The following ZNF800 variants were observed in gnomAD, a reference collection of about 807,000 sequenced individuals.
ZNF800 encodes zinc finger protein 800.
ZNF800 carries 13 observed loss-of-function variants against 59.5 expected under a neutral mutation model. The observed-to-expected ratio is 0.22, with a 90% CI of 0.14 to 0.35. The LOEUF (loss-of-function observed/expected upper bound fraction) is 0.35, where lower values mean the gene tolerates loss of function less well. Among genes scored for constraint, ZNF800 ranks in the 10% least tolerant of loss-of-function variants. ZNF800 has a pLI of 1.00. For missense variants in ZNF800, 621 were observed against 783.7 expected (o/e 0.79, Z 2.48); for synonymous variants, 266 against 265.7 (o/e 1.00, Z -0.01).
intron 3 of ZNF800, among the ~76,000 whole-genome samples, chr7:127,381,660 T>C (rs1800980131): frequency 6.6e-6 from 1 of 152,090 alleles, no homozygotes; most frequent in Non-Finnish European, 1.5e-5. Flanking sequence ...AAATGGCTGT[T>C]GTCTTGGGAA....
At chr7:127,380,964 G>T (rs1800960423) in intron 3 of ZNF800, among the ~76,000 whole-genome samples, 1 of 152,080 alleles carries the variant, frequency 6.6e-6, no homozygotes, top group African/African-American at 2.4e-5. Context: ...TTCATCAAGG[G>T]TTTATCTTGT....
At chr7:127,361,978 T>C (rs1358100953) in intron 1 of ZNF800, 1 of 152,108 alleles carries the variant, frequency 6.6e-6, no homozygotes, top group African/African-American at 2.4e-5. Context: ...AATATGATTC[T>C]CTCCTAAGAT....
Position 127,370,870 on chromosome 7 carries a change from T to C in ZNF800, c.*944A>G, listed in dbSNP as rs1013784149. On this transcript the variant is annotated 3_prime_UTR_variant, in exon 6 of 6. Coordinates refer to ENST00000265827, the MANE Select transcript of ZNF800 (RefSeq NM_176814.5). The stretch of plus-strand genomic sequence containing the variant: ...TTATCTAAAGTGGTCCTTTAAGATT[T>C]TTCTTGGGAGAAAAAAAAATCAGGG... 2.6e-5 allele frequency: 4 copies of C among 152,536 alleles called. No homozygotes were observed. The highest frequency in any genetic ancestry group is 6.5e-5 in the Admixed American group (1 of 15,268). 9.4% of individuals were successfully genotyped at this position (152,536 alleles called of 1,614,324 possible). A position where few individuals can be genotyped will look rare whatever the true frequency, so the allele number is the denominator to read the frequency against.
intron 3 of ZNF800, among the ~76,000 whole-genome samples, chr7:127,380,942 A>C (rs1436075557): frequency 6.6e-6 from 1 of 152,216 alleles, no homozygotes; most frequent in Non-Finnish European, 1.5e-5. Flanking sequence ...GCTCAATAAA[A>C]ATTACTTAAA....
intron 3 of ZNF800, among the ~76,000 whole-genome samples, chr7:127,378,843 G>T (rs1020253484): frequency 5.9e-5 from 9 of 152,086 alleles, no homozygotes; most frequent in Middle Eastern, 3.4e-3. Flanking sequence ...TTCCAAATCT[G>T]ATATTATCTA....
chr7:127,365,141 T>C (rs1481745474), downstream of ZNF800, among the ~76,000 whole-genome samples: 4 of 152,118 alleles, frequency 2.6e-5, no homozygotes, highest in African/African-American at 7.2e-5. Context: ...CCATATAGCA[T>C]GCAATTATAT....
At chr7:127,386,190 C>T (rs754913184) in intron 2 of ZNF800, 35 bp from the exon 3 acceptor site, 4 of 1,301,914 alleles carry the variant, frequency 3.1e-6, no homozygotes, top group Middle Eastern at 3.8e-4. Context: ...CCAATCCCCA[C>T]AAAAAAAGGG....
Position 127,348,507 on chromosome 7 carries a change from A to G in ZNF800, n.225-464T>C, listed in dbSNP as rs17869662. On this transcript the variant is annotated intron_variant and non_coding_transcript_variant, in intron 1 of 1. Transcript: ENST00000485577. ...TTATAGTCTTTTTCTTACAGCGAAT[A>G]CTAAACTGCTATTGAAATAATGCTG... 4.2e-3 allele frequency among the ~76,000 whole-genome samples: 644 copies of G among 152,302 alleles called. 5 individuals carry two copies. Among genetic ancestry groups the G allele is most frequent in the African/African-American group, 0.015 (617 of 41,562 alleles).
intron 5 of ZNF800, among the ~76,000 whole-genome samples, chr7:127,372,259 A>C (rs1185730109): frequency 2.0e-5 from 3 of 152,054 alleles, no homozygotes; most frequent in Non-Finnish European, 2.9e-5. Flanking sequence ...TGGGCGGATC[A>C]CCTGAGGTCC....
downstream of ZNF800, chr7:127,369,975 G>C (rs950501443): frequency 6.6e-6 from 1 of 152,084 alleles, no homozygotes; most frequent in African/African-American, 2.4e-5. Context: ...GGGGTTATCA[G>C]CATTTATCTG....
At chr7:127,385,859 C>T (rs1801124803) in intron 3 of ZNF800, among the ~76,000 whole-genome samples, 2 of 152,002 alleles carry the variant, frequency 1.3e-5, no homozygotes, top group South Asian at 2.1e-4. Context: ...AATTAATATA[C>T]CATATATAGT....
downstream of ZNF800, among the ~76,000 whole-genome samples, chr7:127,346,549 T>C (rs1800067563): frequency 6.6e-6 from 1 of 152,126 alleles, no homozygotes; most frequent in African/African-American, 2.4e-5. Context: ...GAATCTAGAC[T>C]AAGCAAGGAC....
intron 1 of ZNF800, chr7:127,362,006 C>G (rs1405636008): frequency 6.6e-6 from 1 of 152,092 alleles, no homozygotes; most frequent in Non-Finnish European, 1.5e-5. Context: ...ATATGAGAAG[C>G]TACATAGTGA....
At chr7:127,365,643 A>T (rs1023390821), downstream of ZNF800, among the ~76,000 whole-genome samples, 1 of 152,164 alleles carries the variant, frequency 6.6e-6, no homozygotes, top group African/African-American at 2.4e-5. Context: ...AAATAATATC[A>T]TAAAAGGTCA....
Position 127,374,360 on chromosome 7 carries a change from G to A in ZNF800, c.976C>T (p.Pro326Ser). The change falls in exon 5 of 6, where the codon CCT becomes TCT. Residue 326 changes from proline (P) to serine (S), a missense_variant. By Grantham distance (74) the Pro-to-Ser change is moderately conservative. Coordinates refer to ENST00000265827, the MANE Select transcript of ZNF800 (RefSeq NM_176814.5). ...DSITPDIATK[P>S]GQPLFLDSIS... Reference sequence around the variant, plus strand: ...GAATCCAGGAACAAAGGTTGCCCAGGCTTTGTTGCTATATCAGGAGTAATT... The same window carrying A: ...GAATCCAGGAACAAAGGTTGCCCAGACTTTGTTGCTATATCAGGAGTAATT... The A allele has an allele frequency of 6.2e-7, 1 of 1,613,770 alleles. No individual in the cohort carries two copies. The highest frequency in any genetic ancestry group is 8.5e-7 in the Non-Finnish European group (1 of 1,179,956).
At chr7:127,362,230 A>G (rs1402405435) in intron 1 of ZNF800, 1 of 152,130 alleles carries the variant, frequency 6.6e-6, no homozygotes, top group African/African-American at 2.4e-5. Flanking sequence ...ATTTCTTCAG[A>G]AATACAAATA....
chr7:127,355,644 G>T (rs139347915), intron 1 of ZNF800, among the ~76,000 whole-genome samples: 1 of 152,108 alleles, frequency 6.6e-6, no homozygotes, highest in African/African-American at 2.4e-5. Flanking sequence ...TAGTAGGATG[G>T]GAGCAGTAAT....
chr7:127,344,447 A>C (rs1367640191), downstream of ZNF800, among the ~76,000 whole-genome samples: 1 of 152,086 alleles, frequency 6.6e-6, no homozygotes, highest in Non-Finnish European at 1.5e-5. Context: ...ATTCTCCCCA[A>C]ATTAGTCTAT....
At position 127,374,906 on chromosome 7, in the gene ZNF800, A is replaced by G; in HGVS notation, c.430T>C (p.Phe144Leu). The change falls in exon 5 of 6, where the codon TTT (phenylalanine) becomes CTT (leucine). Residue 144 changes from phenylalanine (F) to leucine (L), a missense_variant. By Grantham distance (22) the Phe-to-Leu change is conservative (BLOSUM62 0). Around this residue, in one of 7 missense-constraint regions of ZNF800, gnomAD observed 218 missense variants for 230.8 expected, o/e 0.94. Transcript: ENST00000265827. Reference sequence around the variant, plus strand: ...TTATCAGTCCTCGAAATATATTGAAATACTGCATTTTGATTAGTTTCTATG... The same window carrying G: ...TTATCAGTCCTCGAAATATATTGAAGTACTGCATTTTGATTAGTTTCTATG... ...EPIETNQNAV[F>L]QYISRTDNPI... The G allele has an allele frequency of 1.9e-6, 3 of 1,613,966 alleles. No homozygotes were observed. Among genetic ancestry groups the G allele is most frequent in the Non-Finnish European group, 2.5e-6 (3 of 1,179,908 alleles).
Sources: allele counts gnomAD v4.1 joint callset (sites outside exome capture counted in the v4.1 genomes callset), GRCh38; gene constraint gnomAD v4.1.1; regional missense constraint gnomAD v4.1.1; transcripts MANE v1.5; gene names NCBI Gene and HGNC (gene_info 2026-07-23, HGNC 2026-07-21).